Variants in TBC1D22A observed in about 807,000 individuals in gnomAD.
The protein encoded by TBC1D22A is TBC1 domain family member 22A.
A neutral mutation model predicts 60.2 loss-of-function variants in TBC1D22A; 38 were observed. That is an observed-to-expected ratio of 0.63 (90% confidence interval 0.49 to 0.83). The LOEUF is 0.83. Among genes scored for constraint, TBC1D22A ranks in the 40% least tolerant of loss-of-function variants. The probability of loss-of-function intolerance (pLI) is 0.00; values close to 1 mark genes in which losing one functional copy is unlikely to be tolerated. For synonymous variants in TBC1D22A, 302 were observed against 281.7 expected (o/e 1.07, Z -0.72); for missense variants, 628 against 701.0 (o/e 0.90, Z 1.18).
At chr22:47,046,818 C>G (rs1204060758) in intron 11 of TBC1D22A, among the ~76,000 whole-genome samples, 1 of 152,152 alleles carries the variant, frequency 6.6e-6, no homozygotes, top group East Asian at 1.9e-4. Flanking sequence ...AGCCCTGGAT[C>G]CCCCCAGATG....
chr22:46,980,373 G>T (rs2074467516), intron 9 of TBC1D22A, among the ~76,000 whole-genome samples: 1 of 152,134 alleles, frequency 6.6e-6, no homozygotes, highest in Non-Finnish European at 1.5e-5. Flanking sequence ...AGTAGAGACG[G>T]GGTTTCACCA....
rs1361070648 is a variant in TBC1D22A, at chr22:47,070,393, G to A, written c.1329+33195G>A. ...CTGTTCCCTGTTGTTTGGTTGGAGC[G>A]GAGCTGACCTGACGGTTCCAGGTTG... On this transcript the variant is annotated intron_variant, in intron 11 of 12. Coordinates refer to ENST00000337137, the MANE Select transcript of TBC1D22A (RefSeq NM_014346.5). Among the ~76,000 whole-genome samples, 3 of 127,420 alleles carry A rather than the reference G, an allele frequency of 2.4e-5. No individual in the cohort carries two copies. The East Asian group carries it at 6.5e-4, about 27-fold the overall frequency. The allele number at this position is 127,420 out of a possible 152,430, so 83.6% of individuals were successfully genotyped here.
intron 10 of TBC1D22A, among the ~76,000 whole-genome samples, chr22:47,015,551 C>T (rs575734081): frequency 7.9e-5 from 12 of 152,236 alleles, no homozygotes; most frequent in Non-Finnish European, 1.6e-4. Context: ...GCTCTGTGAG[C>T]ACAGAGAGCT....
At chr22:46,911,957 C>A in intron 7 of TBC1D22A, 117 bp from the exon 8 acceptor site, 1 of 658,390 alleles carries the variant, frequency 1.5e-6, no homozygotes, top group Non-Finnish European at 2.6e-6. Flanking sequence ...ATATTTGTAT[C>A]TTAATATTAG....
At chr22:46,791,855 G>A (rs762290899) in intron 1 of TBC1D22A, among the ~76,000 whole-genome samples, 4 of 152,156 alleles carry the variant, frequency 2.6e-5, no homozygotes, top group Non-Finnish European at 4.4e-5. Context: ...CCGCCTCCAG[G>A]GTTCAAGCCA....
In TBC1D22A at chr22:47,113,995, C is replaced by T. The variant is rs1019917090; in HGVS notation, c.1425+2392C>T. On this transcript the variant is annotated intron_variant, in intron 12 of 12. Transcript: ENST00000337137. ...GCAGGGGCAGACTTGGACCAAGAAA[C>T]GGAATTGATGGCAGCCTTGACAGAT... Among the ~76,000 whole-genome samples, 13 of 152,308 alleles carry T rather than the reference C, an allele frequency of 8.5e-5. No homozygotes were observed. In the East Asian group the frequency reaches 1.5e-3, roughly 18 times the overall value.
intron 12 of TBC1D22A, among the ~76,000 whole-genome samples, chr22:47,163,101 C>A (rs2068060397): frequency 6.6e-6 from 1 of 152,216 alleles, no homozygotes; most frequent in Admixed American, 6.5e-5. Flanking sequence ...GTGCCAGTGG[C>A]CAGGGTGGGC....
intron 12 of TBC1D22A, among the ~76,000 whole-genome samples, chr22:47,120,675 A>G (rs1455332494): frequency 1.3e-5 from 2 of 152,260 alleles, no homozygotes; most frequent in Non-Finnish European, 2.9e-5. Flanking sequence ...GAACCAGGAC[A>G]GACAGACAAA....
At chr22:46,950,613 C>T (rs1398737255) in intron 8 of TBC1D22A, among the ~76,000 whole-genome samples, 1 of 152,120 alleles carries the variant, frequency 6.6e-6, no homozygotes, top group Non-Finnish European at 1.5e-5. Flanking sequence ...TCTTCCTTTC[C>T]AGTGTGGACA....
chr22:47,095,348 C>T (rs1025326730), intron 11 of TBC1D22A, among the ~76,000 whole-genome samples: 2 of 152,144 alleles, frequency 1.3e-5, no homozygotes, highest in South Asian at 4.1e-4. Context: ...GTTTTTATTT[C>T]GTGCCAAAAA....
chr22:46,982,760 C>CCTCCT (rs2074564777), intron 9 of TBC1D22A, among the ~76,000 whole-genome samples: 1 of 152,156 alleles, frequency 6.6e-6, no homozygotes, highest in Non-Finnish European at 1.5e-5. Context: ...ATTCAGGAGC[C>CCTCCT]TAAACTAGGT....
chr22:47,064,267 C>T (rs971976298), intron 11 of TBC1D22A, among the ~76,000 whole-genome samples: 2 of 152,276 alleles, frequency 1.3e-5, no homozygotes, highest in Non-Finnish European at 2.9e-5. Flanking sequence ...CCAGTGCAAG[C>T]TGCTCAGTTC....
chr22:47,086,284 C>T lies in TBC1D22A; in HGVS notation c.1330-25224C>T, dbSNP rs576747056. 5.9e-5 allele frequency among the ~76,000 whole-genome samples: 9 copies of T among 152,232 alleles called. No homozygotes were observed. In the South Asian group the frequency reaches 1.7e-3, roughly 28 times the overall value. ...GTTTGAGATCAGCCTGGAGAAACCC[C>T]GTCTCTACTAAAAACACAAAATTAG... On this transcript the variant is annotated intron_variant, in intron 11 of 12. Coordinates refer to ENST00000337137, the MANE Select transcript of TBC1D22A (RefSeq NM_014346.5).
intron 11 of TBC1D22A, among the ~76,000 whole-genome samples, chr22:47,110,919 A>C (rs114261786): frequency 0.011 from 1,750 of 152,324 alleles, 37 homozygotes; most frequent in African/African-American, 0.04. Flanking sequence ...AAGGGGGAGC[A>C]GGGAAGCCTT....
intron 8 of TBC1D22A, among the ~76,000 whole-genome samples, chr22:46,958,672 T>A (rs1198278119): frequency 6.6e-6 from 1 of 152,234 alleles, no homozygotes; most frequent in Non-Finnish European, 1.5e-5. Context: ...GCGTCGGGAC[T>A]TTTCCCCCAG....
chr22:47,065,198 G>A (rs904263685), intron 11 of TBC1D22A, among the ~76,000 whole-genome samples: 5 of 152,156 alleles, frequency 3.3e-5, no homozygotes, highest in Admixed American at 1.3e-4. Flanking sequence ...GGGTTTCACC[G>A]TGTTAGCCAG....
intron 8 of TBC1D22A, chr22:46,915,500 C>T (rs2070297110): frequency 2.2e-6 from 1 of 456,724 alleles, no homozygotes; most frequent in South Asian, 1.5e-5. Context: ...ACCTTTGGTG[C>T]AGCTGCCAGT....
intron 10 of TBC1D22A, among the ~76,000 whole-genome samples, chr22:47,035,038 C>A (rs914848617): frequency 6.6e-6 from 1 of 152,174 alleles, no homozygotes; most frequent in African/African-American, 2.4e-5. Flanking sequence ...GACAGGTGGG[C>A]TTGCTAATGA....
intron 9 of TBC1D22A, among the ~76,000 whole-genome samples, chr22:46,976,206 G>A (rs947636538): frequency 6.6e-6 from 1 of 152,186 alleles, no homozygotes; most frequent in African/African-American, 2.4e-5. Flanking sequence ...TGAAATCGAT[G>A]CTGGCTTTTT....
Sources: gnomAD v4.1 joint callset for allele counts (sites outside exome capture counted in the v4.1 genomes callset) on GRCh38, gnomAD v4.1.1 for gene constraint, MANE v1.5 for transcripts, NCBI Gene and HGNC (gene_info 2026-07-23, HGNC 2026-07-21) for gene names.